Variants in FAM217A observed in about 807,000 individuals in gnomAD.
FAM217A encodes the protein protein FAM217A.
In FAM217A, 13 loss-of-function variants were observed where a neutral mutation model predicts 18.5. The observed-to-expected ratio is 0.70, with a 90% CI of 0.46 to 1.12. The LOEUF (loss-of-function observed/expected upper bound fraction) is 1.12, where lower values mean the gene tolerates loss of function less well. Among genes scored for constraint, FAM217A ranks in the 50% most tolerant of loss-of-function variants. The pLI, the probability that FAM217A is intolerant of heterozygous loss-of-function variation, is 0.00. For synonymous variants in FAM217A, 161 were observed against 202.8 expected, an observed-to-expected ratio of 0.79 and a Z score of 1.75; for missense variants, 560 against 575.4, an observed-to-expected ratio of 0.97 and a Z score of 0.27.
intron 6 of FAM217A, among the ~76,000 whole-genome samples, chr6:4,071,430 C>T (rs193228204): frequency 6.6e-6 from 1 of 152,224 alleles, no homozygotes; most frequent in Admixed American, 6.5e-5. Context: ...CTGTTTAGTC[C>T]TCACAGCCTC....
At chr6:4,072,002 A>G (rs1443586990) in intron 6 of FAM217A, among the ~76,000 whole-genome samples, 1 of 152,232 alleles carries the variant, frequency 6.6e-6, no homozygotes, top group African/African-American at 2.4e-5. Flanking sequence ...GAAGCCTTCT[A>G]GCTAGTCTTA....
At chr6:4,087,197 C>T (rs1438172738), upstream of FAM217A, 6 of 653,014 alleles carry the variant, frequency 9.2e-6, no homozygotes, top group African/African-American at 1.1e-4. Flanking sequence ...ATACGCGCGC[C>T]CCCGCTTTCC....
chr6:4,075,368 T>C (rs566625835), intron 2 of FAM217A, among the ~76,000 whole-genome samples: 1 of 151,978 alleles, frequency 6.6e-6, no homozygotes, highest in East Asian at 1.9e-4. Context: ...ATTAAAAAAA[T>C]AAAAGCCTGT....
At position 4,072,350 on chromosome 6, in the gene FAM217A, A is replaced by C. The variant is rs572156288; in HGVS notation, c.302+925T>G. ...AGTGAAACTTTGTCACACACACACA[A>C]AAAAAGAATTAAAACTCAGGTAAGG... On this transcript the variant is annotated intron_variant, in intron 6 of 6. Transcript: ENST00000274673. Among the ~76,000 whole-genome samples, 13 of 152,146 alleles carry C rather than the reference A, an allele frequency of 8.5e-5. No homozygotes were observed. The East Asian group carries it at 1.9e-3, about 23-fold the overall frequency.
At position 4,069,687 on chromosome 6, in the gene FAM217A, T is replaced by A; in HGVS notation, c.536A>T (p.Glu179Val). 6.2e-7 allele frequency: 1 copy of A among 1,614,208 alleles called. No homozygotes were observed. The highest frequency in any genetic ancestry group is 8.5e-7 in the Non-Finnish European group (1 of 1,180,040). The change falls in exon 7 of 7, where the codon GAA becomes GTA. Residue 179 changes from glutamate (E) to valine (V), a missense_variant. Glu to Val is a moderately radical substitution (Grantham distance 121). Coordinates refer to ENST00000274673, the MANE Select transcript of FAM217A (RefSeq NM_173563.3). ...ATTCCAATTTGGAGCAGGTAATGTT[T>A]CACCATCATTGTTTTCTATAGTTGA... ...SCSTIENNDG[E>V]TLPAPNWNLK...
At chr6:4,081,980 C>G (rs1263345465), upstream of FAM217A, among the ~76,000 whole-genome samples, 1 of 151,686 alleles carries the variant, frequency 6.6e-6, no homozygotes, top group Non-Finnish European at 1.5e-5. Flanking sequence ...CTCTAAGATT[C>G]TTTTTTTTTC....
chr6:4,069,381 G>A lies in FAM217A; in HGVS notation c.842C>T (p.Thr281Ile), dbSNP rs142918785. The stretch of plus-strand genomic sequence containing the variant: ...ACGAGTTATCAAGTGTTCAACAGAG[G>A]TTTCTGCAGGGTCCACTGTCACTTT... ...NWKVTVDPAE[T>I]SVEHLITRLL... is the part of the protein sequence containing the mutation. The change falls in exon 7 of 7, where the codon ACC becomes ATC. Residue 281 changes from threonine (T) to isoleucine (I), a missense_variant. By Grantham distance (89) the Thr-to-Ile change is moderately conservative (BLOSUM62 -1). Transcript: ENST00000274673. 5.9e-4 allele frequency: 948 copies of A among 1,614,182 alleles called. 11 individuals are homozygous for A. The African/African-American group carries it at 9.2e-3, about 16-fold the overall frequency.
upstream of FAM217A, among the ~76,000 whole-genome samples, chr6:4,082,240 A>G (rs972668585): frequency 6.6e-6 from 1 of 152,142 alleles, no homozygotes; most frequent in Non-Finnish European, 1.5e-5. Flanking sequence ...ACAGTGGGTC[A>G]TTTTCTACAG....
chr6:4,080,124 A>G (rs1214936982), upstream of FAM217A, among the ~76,000 whole-genome samples: 2 of 152,076 alleles, frequency 1.3e-5, no homozygotes, highest in Non-Finnish European at 2.9e-5. Flanking sequence ...TCCCTCTGAG[A>G]ATCTCCCCAT....
chr6:4,072,042 A>T (rs1769447968), intron 6 of FAM217A, among the ~76,000 whole-genome samples: 1 of 152,212 alleles, frequency 6.6e-6, no homozygotes, highest in African/African-American at 2.4e-5. Flanking sequence ...AATCAAAAAA[A>T]TAAGAATTAA....
intron 6 of FAM217A, 55 bp from the exon 7 acceptor site, chr6:4,069,975 T>C: frequency 7.8e-7 from 1 of 1,283,580 alleles, no homozygotes; most frequent in Admixed American, 2.6e-5. Flanking sequence ...TAAAATGCTA[T>C]TAAAATGATA....
At position 4,078,585 on chromosome 6, in the gene FAM217A, G is replaced by A. The variant is rs920499144; in HGVS notation, c.-35+267C>T. Among the ~76,000 whole-genome samples, 4 of 152,184 alleles carry A rather than the reference G, an allele frequency of 2.6e-5. No homozygotes were observed. In the East Asian group the frequency reaches 7.7e-4, roughly 29 times the overall value. On this transcript the variant is annotated intron_variant, in intron 1 of 6. Coordinates refer to ENST00000274673, the MANE Select transcript of FAM217A (RefSeq NM_173563.3). Reference sequence around the variant, plus strand: ...CCTGGGGCCACCGGGTGTGTGTCAAGAAGGAGGGCATCCAGCTCCTGGAAA... The same window carrying A: ...CCTGGGGCCACCGGGTGTGTGTCAAAAAGGAGGGCATCCAGCTCCTGGAAA...
chr6:4,073,976 G>A lies in FAM217A; in HGVS notation c.159+467C>T, dbSNP rs372752810. On this transcript the variant is annotated intron_variant, in intron 4 of 6. Coordinates refer to ENST00000274673, the MANE Select transcript of FAM217A (RefSeq NM_173563.3). Reference sequence around the variant, plus strand: ...ATTCTCCTGCTGAGCTCAGCCTCTCGAGTAGCTGGGACTACAGCTATGTGC... The same window carrying A: ...ATTCTCCTGCTGAGCTCAGCCTCTCAAGTAGCTGGGACTACAGCTATGTGC... 1.4e-4 allele frequency among the ~76,000 whole-genome samples: 21 copies of A among 152,164 alleles called. No individual in the cohort carries two copies. In the East Asian group the frequency reaches 3.3e-3, roughly 24 times the overall value.
rs746722950 is a variant in FAM217A at position 4,069,229 on chromosome 6, G to T, written c.994C>A (p.Gln332Lys). The stretch of plus-strand genomic sequence containing the variant: ...CTCAAAGAGTCGCAAAGTTTTGGCT[G>T]TCTCACTTTTGGTGTAGCTTTGGAG... ...SSSKATPKVR[Q>K]PKLCDSLSLQ... Residue 332 changes from glutamine to lysine, a missense_variant, in exon 7 of 7, where the codon CAG becomes AAG. Coordinates refer to ENST00000274673, the MANE Select transcript of FAM217A (RefSeq NM_173563.3). 1 of 1,614,170 alleles carries T rather than the reference G, an allele frequency of 6.2e-7. No individual in the cohort carries two copies. The highest frequency in any genetic ancestry group is 1.7e-5 in the Admixed American group (1 of 60,030).
intron 1 of FAM217A, among the ~76,000 whole-genome samples, chr6:4,085,315 T>A (rs543102641): frequency 0.013 from 1,827 of 143,202 alleles, 28 homozygotes; most frequent in African/African-American, 0.043. Context: ...AAAAAAAATA[T>A]ATATATATAT....
At chr6:4,075,098 G>A (rs901817523) in intron 2 of FAM217A, among the ~76,000 whole-genome samples, 7 of 152,122 alleles carry the variant, frequency 4.6e-5, no homozygotes, top group East Asian at 3.9e-4. Context: ...TTGGGAGGCC[G>A]GGGCAGGTCA....
chr6:4,069,214 C>T lies in FAM217A; in HGVS notation c.1009G>A (p.Asp337Asn), dbSNP rs1181055801. 1.2e-6 allele frequency: 2 copies of T among 1,612,560 alleles called. No homozygotes were observed. The highest frequency in any genetic ancestry group is 1.1e-5 in the South Asian group (1 of 90,988). The change falls in exon 7 of 7, where the codon GAC becomes AAC. Residue 337 changes from aspartate (D) to asparagine (N), a missense_variant. By Grantham distance (23) the Asp-to-Asn change is conservative. Transcript: ENST00000274673. ...CAAGGTATCTGAAGACTCAAAGAGT[C>T]GCAAAGTTTTGGCTGTCTCACTTTT... is the stretch of plus-strand genomic sequence containing the variant. ...TPKVRQPKLCDSLSLQIPCVD... is the reference protein window; with the variant it reads ...TPKVRQPKLCNSLSLQIPCVD...
At chr6:4,079,793 A>G (rs1034740694), upstream of FAM217A, 2 of 513,442 alleles carry the variant, frequency 3.9e-6, no homozygotes, top group African/African-American at 2.2e-5. Flanking sequence ...GTTGACACCA[A>G]GCTCATCCGG....
upstream of FAM217A, among the ~76,000 whole-genome samples, chr6:4,082,652 G>C (rs532457449): frequency 6.6e-6 from 1 of 152,334 alleles, no homozygotes; most frequent in South Asian, 2.1e-4. Flanking sequence ...TAGAGAGACA[G>C]GCCTTGCTGG....
Sources: allele counts gnomAD v4.1 joint callset (sites outside exome capture counted in the v4.1 genomes callset), GRCh38; gene constraint gnomAD v4.1.1; transcripts MANE v1.5; gene names NCBI Gene and HGNC (gene_info 2026-07-23, HGNC 2026-07-21).